Variants in TEX13A observed in about 807,000 individuals in gnomAD.
TEX13A encodes testis-expressed protein 13A.
TEX13A carries 8 observed loss-of-function variants against 7.1 expected under a neutral mutation model. That is an observed-to-expected ratio of 1.12 (90% CI 0.66 to 2.03). TEX13A has a LOEUF of 2.03. TEX13A is among the 30% of genes most tolerant of loss of function. The pLI is 0.00. For synonymous variants in TEX13A, 151 were observed against 134.2 expected (o/e 1.13, Z -0.87); for missense variants, 362 against 332.2 (o/e 1.09, Z -0.70).
At position 105,219,712 on chromosome X, in the gene TEX13A, C is replaced by T. The variant is rs782324559; in HGVS notation, c.482G>A (p.Gly161Asp). The change falls in exon 3 of 3, where the codon GGC (glycine) becomes GAC (aspartate). Residue 161 changes from glycine (G) to aspartate (D), a missense_variant. Coordinates refer to ENST00000600991, the MANE Select transcript of TEX13A (RefSeq NM_031274.5). ...HEWEQGAGWPGLATAGGVCTE... is the reference protein window; with the variant it reads ...HEWEQGAGWPDLATAGGVCTE... ...GCAAACCCCTCCGGCAGTGGCCAGG[C>T]CTGGCCACCCTGCCCCCTGCTCCCA... 4 of 1,208,214 alleles carry T rather than the reference C, an allele frequency of 3.3e-6. No homozygotes were observed. The East Asian group carries it at 8.9e-5, about 27-fold the overall frequency.
Position 105,219,956 on chromosome X carries a change from A to C in TEX13A, c.435+7T>G. 2 of 1,192,188 alleles carry C rather than the reference A, an allele frequency of 1.7e-6. No individual in the cohort carries two copies. Among genetic ancestry groups the C allele is most frequent in the Non-Finnish European group, 2.3e-6 (2 of 885,496 alleles). ...GATCTTACTGCATGGAGCGGCTTCC[A>C]ACTCACCTTGTCTCTCTCTTTCTGC... On this transcript the variant is annotated splice_region_variant and intron_variant, in intron 2 of 2. Coordinates refer to ENST00000600991, the MANE Select transcript of TEX13A (RefSeq NM_031274.5).
Position 105,220,402 on chromosome X carries a change from G to A in TEX13A, c.-5C>T, listed in dbSNP as rs781979617. On this transcript the variant is annotated 5_prime_UTR_variant, in exon 2 of 3. Transcript: ENST00000600991. ...GTCCTCAGGTCTCAAGGCCATGATC[G>A]CCTAGGGGTTTAACGGTTTCACTAG... is the stretch of plus-strand genomic sequence containing the variant. The A allele has an allele frequency of 6.0e-6, 7 of 1,171,427 alleles. No individual in the cohort carries two copies. Among genetic ancestry groups the A allele is most frequent in the South Asian group, 2.0e-5 (1 of 50,952 alleles).
At position 105,220,240 on chromosome X, in the gene TEX13A, A is replaced by G. The variant is rs2033942155; in HGVS notation, c.158T>C (p.Ile53Thr). The G allele has an allele frequency of 1.7e-6, 2 of 1,211,697 alleles. No individual in the cohort carries two copies. Among genetic ancestry groups the G allele is most frequent in the Non-Finnish European group, 2.2e-6 (2 of 895,456 alleles). ...WEKVEDKLRAILEDSEVPSEV... is the reference protein window; with the variant it reads ...WEKVEDKLRATLEDSEVPSEV... The stretch of plus-strand genomic sequence containing the variant: ...ACTGGGCACCTCGCTGTCCTCCAGT[A>G]TGGCCCTCAGCTTGTCTTCCACCTT... The change falls in exon 2 of 3, where the codon ATA becomes ACA. Residue 53 changes from isoleucine to threonine, a missense_variant. By Grantham distance (89) the Ile-to-Thr change is moderately conservative. Transcript: ENST00000600991.
In TEX13A at chrX:105,219,179, A is replaced by C; in HGVS notation, c.1015T>G (p.Phe339Val). Residue 339 changes from phenylalanine to valine, a missense_variant, in exon 3 of 3, where the codon TTT becomes GTT. By Grantham distance (50) the Phe-to-Val change is conservative. Transcript: ENST00000600991. ...CCATCAGACCACAGGCTAGTATCAA[A>C]GGCCTCCCAGTCGGAAGGCAGCTGA... is the stretch of plus-strand genomic sequence containing the variant. ...PPQLPSDWEA[F>V]DTSLWSDGGP... is the part of the protein sequence containing the mutation. 5.0e-6 allele frequency: 6 copies of C among 1,210,795 alleles called. No individual in the cohort carries two copies. The highest frequency in any genetic ancestry group is 6.7e-6 in the Non-Finnish European group (6 of 894,886).
At position 105,219,259 on chromosome X, in the gene TEX13A, GAGA is replaced by G; in HGVS notation, c.932_934del (p.Phe311del). Reference sequence around the variant, plus strand: ...TGGAGGGGATATAGTGGGTATGTCTGAGAAGGAGGAAAAAGGGCTTGAGTATGA... The same window carrying G: ...TGGAGGGGATATAGTGGGTATGTCTGAGGAGGAAAAAGGGCTTGAGTATGA... On this transcript the variant is annotated inframe_deletion, in exon 3 of 3. Transcript: ENST00000600991. The G allele has an allele frequency of 8.3e-7, 1 of 1,211,104 alleles. No homozygotes were observed. Among genetic ancestry groups the G allele is most frequent in the Non-Finnish European group, 1.1e-6 (1 of 895,111 alleles).
Position 105,220,417 on chromosome X carries a change from G to A in TEX13A, c.-20C>T, listed in dbSNP as rs782789682. On this transcript the variant is annotated 5_prime_UTR_variant, in exon 2 of 3. Coordinates refer to ENST00000600991, the MANE Select transcript of TEX13A (RefSeq NM_031274.5). The stretch of plus-strand genomic sequence containing the variant: ...GGCCATGATCGCCTAGGGGTTTAAC[G>A]GTTTCACTAGCCCTGTGTGGATGGA... 4.3e-6 allele frequency: 5 copies of A among 1,152,785 alleles called. No individual in the cohort carries two copies. The highest frequency in any genetic ancestry group is 5.8e-6 in the Non-Finnish European group (5 of 863,297).
chrX:105,219,281 A>C lies in TEX13A; in HGVS notation c.913T>G (p.Ser305Ala). The part of the protein sequence containing the change: ...QLPASYSYSY[S>A]SPFSSFSDIP... The stretch of plus-strand genomic sequence containing the variant: ...TCTGAGAAGGAGGAAAAAGGGCTTG[A>C]GTATGAGTATGAGTATGAGGCAGGG... The change falls in exon 3 of 3, where the codon TCA becomes GCA. Residue 305 changes from serine (S) to alanine (A), a missense_variant. Physicochemically the swap from Ser to Ala is moderately conservative, Grantham distance 99. Coordinates refer to ENST00000600991, the MANE Select transcript of TEX13A (RefSeq NM_031274.5). The C allele has an allele frequency of 1.7e-6, 2 of 1,208,687 alleles. No individual in the cohort carries two copies. Among genetic ancestry groups the C allele is most frequent in the Non-Finnish European group, 2.2e-6 (2 of 893,369 alleles).
Position 105,219,391 on chromosome X carries a change from C to T in TEX13A, c.803G>A (p.Arg268Gln), listed in dbSNP as rs782034215. The T allele has an allele frequency of 1.7e-5, 20 of 1,208,276 alleles. No homozygotes were observed. Among genetic ancestry groups the T allele is most frequent in the African/African-American group, 8.8e-5 (5 of 56,694 alleles). The stretch of plus-strand genomic sequence containing the variant: ...ATAAGATGTGGCTGTTTCGACCGAC[C>T]GGAGATCTCCCTCCTTCTGCCCCCA... Reference protein sequence around the residue: ...TYWGQKEGDLRSVETATSYFS... With the variant: ...TYWGQKEGDLQSVETATSYFS... The change falls in exon 3 of 3, where the codon CGG (arginine) becomes CAG (glutamine). Residue 268 changes from arginine (R) to glutamine (Q), a missense_variant. Coordinates refer to ENST00000600991, the MANE Select transcript of TEX13A (RefSeq NM_031274.5).
In TEX13A at chrX:105,220,667, T is replaced by C; in HGVS notation, c.-105A>G. 1 of 283,157 alleles carries C rather than the reference T, an allele frequency of 3.5e-6. No individual in the cohort carries two copies. Among genetic ancestry groups the C allele is most frequent in the Non-Finnish European group, 6.2e-6 (1 of 160,013 alleles). The allele number at this position is 283,157 out of a possible 1,213,427, so 23.3% of individuals were successfully genotyped here. On this transcript the variant is annotated 5_prime_UTR_variant, in exon 1 of 3. Coordinates refer to ENST00000600991, the MANE Select transcript of TEX13A (RefSeq NM_031274.5). ...ACACGCCCGAAGAGAGAGGAAGATC[T>C]CTCTCCCTCCTAAGGTTCCAGGGAA...
Position 105,220,004 on chromosome X carries a change from C to T in TEX13A, c.394G>A (p.Ala132Thr). The change falls in exon 2 of 3, where the codon GCC (alanine) becomes ACC (threonine). Residue 132 changes from alanine to threonine, a missense_variant. By Grantham distance (58) the Ala-to-Thr change is moderately conservative. Coordinates refer to ENST00000600991, the MANE Select transcript of TEX13A (RefSeq NM_031274.5). ...TGCACCTCCACGAGGCTGGTCTGGG[C>T]CATTCTTAGCCGGGAGGCCGCCTCC... ...RKEAASRLRM[A>T]QTSLVEVQKE... 8.3e-7 allele frequency: 1 copy of T among 1,209,988 alleles called. No individual in the cohort carries two copies. The highest frequency in any genetic ancestry group is 1.1e-6 in the Non-Finnish European group (1 of 894,557).
chrX:105,219,417 A>C lies in TEX13A; in HGVS notation c.777T>G (p.Tyr259Ter). 1.7e-6 allele frequency: 2 copies of C among 1,209,772 alleles called. No homozygotes were observed. Among genetic ancestry groups the C allele is most frequent in the Non-Finnish European group, 2.2e-6 (2 of 894,848 alleles). Reference sequence around the variant, plus strand: ...GGAGATCTCCCTCCTTCTGCCCCCAATAGGTGTACTTTTCCTGATCAGCAT... The same window carrying C: ...GGAGATCTCCCTCCTTCTGCCCCCACTAGGTGTACTTTTCCTGATCAGCAT... ...LGDADQEKYT[Y>*]WGQKEGDLRS... Residue 259 changes from tyrosine to a stop codon, truncating the protein, a stop_gained, in exon 3 of 3, where the codon TAT becomes TAG. Transcript: ENST00000600991. LOFTEE classifies it low-confidence loss of function (END_TRUNC).
At chrX:105,219,866 TG>T (rs782359455) in intron 2 of TEX13A, 96 bp downstream of exon 2, 287 of 1,059,635 alleles carry the variant, frequency 2.7e-4, no homozygotes, top group Non-Finnish European at 3.5e-4. Context: ...GGCGAAGCCA[TG>T]GAGCAGGGTG....
Position 105,220,424 on chromosome X carries a change from C to G in TEX13A, c.-27G>C. On this transcript the variant is annotated 5_prime_UTR_variant, in exon 2 of 3. Coordinates refer to ENST00000600991, the MANE Select transcript of TEX13A (RefSeq NM_031274.5). ...ATCGCCTAGGGGTTTAACGGTTTCA[C>G]TAGCCCTGTGTGGATGGAGCAGCCA... 2 of 1,142,684 alleles carry G rather than the reference C, an allele frequency of 1.8e-6. No homozygotes were observed. Among genetic ancestry groups the G allele is most frequent in the Non-Finnish European group, 1.2e-6 (1 of 857,286 alleles). 94.2% of individuals were successfully genotyped at this position (1,142,684 alleles called of 1,213,427 possible).
chrX:105,219,070 C>A lies in TEX13A; in HGVS notation c.1124G>T (p.Arg375Leu). Residue 375 changes from arginine to leucine, a missense_variant, in exon 3 of 3, where the codon CGC becomes CTC. By Grantham distance (102) the Arg-to-Leu change is moderately radical. Transcript: ENST00000600991. ...EPHQQRPPVY[R>L]RPGDWDCPWC... is the part of the protein sequence containing the mutation. The stretch of plus-strand genomic sequence containing the variant: ...AGGGCAGTCCCAGTCCCCTGGCCTG[C>A]GATATACTGGAGGTCTTTGCTGATG... 8.3e-7 allele frequency: 1 copy of A among 1,210,338 alleles called. No individual in the cohort carries two copies. The highest frequency in any genetic ancestry group is 1.1e-6 in the Non-Finnish European group (1 of 894,385).
chrX:105,220,013 GCC>G lies in TEX13A; in HGVS notation c.383_384del (p.Arg128ProfsTer24). 8.3e-7 allele frequency: 1 copy of G among 1,210,567 alleles called. No individual in the cohort carries two copies. Among genetic ancestry groups the G allele is most frequent in the South Asian group, 1.8e-5 (1 of 56,923 alleles). On this transcript the variant is annotated frameshift_variant, in exon 2 of 3. Transcript: ENST00000600991. LOFTEE classifies it high-confidence loss of function. ...ACGAGGCTGGTCTGGGCCATTCTTA[GCC>G]GGGAGGCCGCCTCCTTGCGTTCCGT... is the stretch of plus-strand genomic sequence containing the variant. ...QETERKEAAS[R>X]LRMAQTSLVE...
rs782028044 is a variant in TEX13A at position 105,220,169 on chromosome X, G to A, written c.229C>T (p.Arg77Cys). The change falls in exon 2 of 3, where the codon CGC (arginine) becomes TGC (cysteine). Residue 77 changes from arginine to cysteine, a missense_variant. By Grantham distance (180) the Arg-to-Cys change is radical (BLOSUM62 -3). Transcript: ENST00000600991. ...CTWGSLALGV[R>C]FAHRQAQLQR... ...AGCTGTGCCTGCCTGTGGGCAAAGC[G>A]CACTCCCAAGGCCAGGCTGCCCCAG... The A allele has an allele frequency of 2.4e-5, 29 of 1,209,980 alleles. No homozygotes were observed. The South Asian group carries it at 2.6e-4, about 11-fold the overall frequency.
Position 105,220,318 on chromosome X carries a change from C to G in TEX13A, c.80G>C (p.Arg27Thr). Residue 27 changes from arginine (R) to threonine (T), a missense_variant, in exon 2 of 3, where the codon AGG (arginine) becomes ACG (threonine). Arg to Thr is a moderately conservative substitution (Grantham distance 71, BLOSUM62 -1). Transcript: ENST00000600991. Reference sequence around the variant, plus strand: ...ATAGAACTCGGGGCCTTTCGTGTGCCTGGCCATTTTCTCGTTGATGAAGGC... The same window carrying G: ...ATAGAACTCGGGGCCTTTCGTGTGCGTGGCCATTTTCTCGTTGATGAAGGC... ...VVAFINEKMARHTKGPEFYLE... is the reference protein window; with the variant it reads ...VVAFINEKMATHTKGPEFYLE... The G allele has an allele frequency of 8.3e-7, 1 of 1,209,898 alleles. No individual in the cohort carries two copies. Among genetic ancestry groups the G allele is most frequent in the Non-Finnish European group, 1.1e-6 (1 of 894,367 alleles).
chrX:105,219,182 C>T lies in TEX13A; in HGVS notation c.1012G>A (p.Ala338Thr), dbSNP rs2147624442. ...TCAGACCACAGGCTAGTATCAAAGG[C>T]CTCCCAGTCGGAAGGCAGCTGAGGC... The part of the protein sequence containing the change: ...VPPQLPSDWE[A>T]FDTSLWSDGG... The change falls in exon 3 of 3, where the codon GCC becomes ACC. Residue 338 changes from alanine (A) to threonine (T), a missense_variant. By Grantham distance (58) the Ala-to-Thr change is moderately conservative. Coordinates refer to ENST00000600991, the MANE Select transcript of TEX13A (RefSeq NM_031274.5). The T allele has an allele frequency of 8.3e-7, 1 of 1,208,782 alleles. No homozygotes were observed. Among genetic ancestry groups the T allele is most frequent in the African/African-American group, 1.8e-5 (1 of 56,838 alleles).
chrX:105,219,266 A>C lies in TEX13A; in HGVS notation c.928T>G (p.Ser310Ala), dbSNP rs2033910328. 1 of 1,210,826 alleles carries C rather than the reference A, an allele frequency of 8.3e-7. No individual in the cohort carries two copies. The highest frequency in any genetic ancestry group is 1.1e-6 in the Non-Finnish European group (1 of 895,027). The change falls in exon 3 of 3, where the codon TCC (serine) becomes GCC (alanine). Residue 310 changes from serine (S) to alanine (A), a missense_variant. Transcript: ENST00000600991. The stretch of plus-strand genomic sequence containing the variant: ...GATATAGTGGGTATGTCTGAGAAGG[A>C]GGAAAAAGGGCTTGAGTATGAGTAT... ...YSYSYSSPFS[S>A]FSDIPTISPP...
Sources: allele counts gnomAD v4.1 joint callset, GRCh38; gene constraint gnomAD v4.1.1; transcripts MANE v1.5; gene names NCBI Gene and HGNC (gene_info 2026-07-23, HGNC 2026-07-21).